The following PRKAG2 variants were observed in gnomAD, a reference collection of about 807,000 sequenced individuals.
PRKAG2 encodes 5'-AMP-activated protein kinase subunit gamma-2.
A neutral mutation model predicts 69.6 loss-of-function variants in PRKAG2; 26 were observed. The ratio of observed to expected loss-of-function variants is 0.37; its 90% CI spans 0.27 to 0.52. PRKAG2 has a LOEUF of 0.52. Ranked by LOEUF, PRKAG2 falls within the 20% of genes least tolerant of loss-of-function variation. The probability of loss-of-function intolerance (pLI) is 0.90; values close to 1 mark genes in which losing one functional copy is unlikely to be tolerated. For synonymous variants in PRKAG2, 293 were observed against 285.0 expected (o/e 1.03, Z -0.28); for missense variants, 557 against 740.0 (o/e 0.75, Z 2.87).
At chr7:151,736,309 G>C in intron 3 of PRKAG2, 1 of 1,197,100 alleles carries the variant, frequency 8.4e-7, no homozygotes. Context: ...AGAAGCTGCC[G>C]GAAGCGCAAA....
At chr7:151,688,588 G>A (rs1301640305) in intron 3 of PRKAG2, among the ~76,000 whole-genome samples, 14 of 152,174 alleles carry the variant, frequency 9.2e-5, no homozygotes, top group Admixed American at 8.5e-4. Flanking sequence ...AGGGAACTCC[G>A]CGGCGGGCTC....
At chr7:151,734,409 C>T (rs1377516035) in intron 3 of PRKAG2, 4 of 152,220 alleles carry the variant, frequency 2.6e-5, no homozygotes, top group Admixed American at 6.5e-5. Context: ...TTTTACTCAT[C>T]CCCTAGGCTG....
chr7:151,582,727 A>G (rs1810782053), intron 6 of PRKAG2, among the ~76,000 whole-genome samples: 1 of 152,242 alleles, frequency 6.6e-6, no homozygotes, highest in Non-Finnish European at 1.5e-5. Flanking sequence ...AACTGAAATC[A>G]TAAGCACAGC....
chr7:151,868,984 A>T lies in PRKAG2; in HGVS notation c.114+7523T>A, dbSNP rs146149087. Among the ~76,000 whole-genome samples, 848 of 152,342 alleles carry T rather than the reference A, an allele frequency of 5.6e-3. 6 individuals carry two copies. The highest frequency in any genetic ancestry group is 0.02 in the African/African-American group (817 of 41,564). On this transcript the variant is annotated intron_variant, in intron 1 of 15. Transcript: ENST00000287878. ...GTAGATGAAGAGGCGTTGGCAAATA[A>T]AAAGTGCTTCCAAATGATTTCTTTC...
At position 151,627,423 on chromosome 7, in the gene PRKAG2, C is replaced by T. The variant is rs538031721; in HGVS notation, c.754+4646G>A. The stretch of plus-strand genomic sequence containing the variant: ...GGCAGATCGCTTGAGGCCAGGAGTT[C>T]GAGACCAGCCTGGGCACCATGGTGA... On this transcript the variant is annotated intron_variant, in intron 5 of 15. Transcript: ENST00000287878. Among the ~76,000 whole-genome samples, 6 of 152,122 alleles carry T rather than the reference C, an allele frequency of 3.9e-5. No individual in the cohort carries two copies. The South Asian group carries it at 6.2e-4, about 16-fold the overall frequency.
At chr7:151,782,155 C>T (rs1201019085) in intron 2 of PRKAG2, among the ~76,000 whole-genome samples, 2 of 151,808 alleles carry the variant, frequency 1.3e-5, no homozygotes, top group Non-Finnish European at 2.9e-5. Flanking sequence ...TGGTGGCGGG[C>T]GCCTGTAATC....
chr7:151,867,294 G>A (rs2080104083), intron 1 of PRKAG2, among the ~76,000 whole-genome samples: 1 of 152,216 alleles, frequency 6.6e-6, no homozygotes, highest in Admixed American at 6.5e-5. Flanking sequence ...CATACTGGGG[G>A]CTTTAAAACA....
chr7:151,754,270 G>A (rs1047843920), intron 3 of PRKAG2, among the ~76,000 whole-genome samples: 2 of 152,250 alleles, frequency 1.3e-5, no homozygotes, highest in Admixed American at 1.3e-4. Context: ...GCGCCAGAGG[G>A]CGCTGTCCCC....
chr7:151,846,997 C>A (rs944272725), intron 1 of PRKAG2, among the ~76,000 whole-genome samples: 1 of 152,222 alleles, frequency 6.6e-6, no homozygotes, highest in African/African-American at 2.4e-5. Context: ...AAGGCTGTTA[C>A]TAATGTAAGT....
chr7:151,803,993 C>T (rs1234586121), intron 1 of PRKAG2, among the ~76,000 whole-genome samples: 1 of 148,896 alleles, frequency 6.7e-6, no homozygotes, highest in Non-Finnish European at 1.5e-5. Flanking sequence ...AACATAACAA[C>T]CTGTAATTGA....
At chr7:151,693,422 C>G (rs894800807) in intron 3 of PRKAG2, among the ~76,000 whole-genome samples, 1 of 152,190 alleles carries the variant, frequency 6.6e-6, no homozygotes, top group Admixed American at 6.5e-5. Flanking sequence ...CCCGTCCCTC[C>G]TCCAGGCCCA....
intron 11 of PRKAG2, 71 bp downstream of exon 11, chr7:151,568,645 C>T (rs1806833623): frequency 6.5e-7 from 1 of 1,547,260 alleles, no homozygotes; most frequent in African/African-American, 1.4e-5. Context: ...TAACAGGAGC[C>T]AATTTACTTG....
intron 6 of PRKAG2, among the ~76,000 whole-genome samples, 168 bp downstream of exon 6, chr7:151,595,177 C>T (rs1183317273): frequency 6.6e-6 from 1 of 152,194 alleles, no homozygotes; most frequent in African/African-American, 2.4e-5. Flanking sequence ...TAGCACATTT[C>T]TTATAAGGTT....
intron 1 of PRKAG2, among the ~76,000 whole-genome samples, chr7:151,849,198 C>G (rs1391158070): frequency 6.6e-6 from 1 of 152,252 alleles, no homozygotes; most frequent in East Asian, 1.9e-4. Flanking sequence ...GCCGCAGGCC[C>G]TGAGACACAG....
chr7:151,616,063 C>T (rs1172162434), intron 5 of PRKAG2, among the ~76,000 whole-genome samples: 1 of 152,220 alleles, frequency 6.6e-6, no homozygotes, highest in African/African-American at 2.4e-5. Context: ...TGACGTCCTC[C>T]TTGGCAAGCA....
At chr7:151,670,446 G>C (rs1831831788) in intron 4 of PRKAG2, among the ~76,000 whole-genome samples, 1 of 152,090 alleles carries the variant, frequency 6.6e-6, no homozygotes, top group South Asian at 2.1e-4. Flanking sequence ...TCTCGTCTGG[G>C]CTCCTGTTCT....
intron 1 of PRKAG2, among the ~76,000 whole-genome samples, chr7:151,865,271 G>GGGCGCC (rs1563765316): frequency 6.6e-6 from 1 of 152,254 alleles, no homozygotes; most frequent in Non-Finnish European, 1.5e-5. Flanking sequence ...CGGCTGGCAT[G>GGGCGCC]GAGCCGACTG....
intron 1 of PRKAG2, among the ~76,000 whole-genome samples, chr7:151,858,931 G>A (rs2079850812): frequency 2.0e-5 from 3 of 152,172 alleles, no homozygotes; most frequent in African/African-American, 7.2e-5. Flanking sequence ...TCGCCCCTAG[G>A]AGGCCCCTCT....
chr7:151,797,628 C>T (rs2077622565), intron 1 of PRKAG2, among the ~76,000 whole-genome samples: 1 of 152,208 alleles, frequency 6.6e-6, no homozygotes. Context: ...TACCCAAGGA[C>T]TCCTTCTACT....
Sources: allele counts gnomAD v4.1 joint callset (sites outside exome capture counted in the v4.1 genomes callset), GRCh38; gene constraint gnomAD v4.1.1; transcripts MANE v1.5; gene names NCBI Gene and HGNC (gene_info 2026-07-23, HGNC 2026-07-21).